Variants in PKMYT1 observed in about 807,000 individuals in gnomAD.
PKMYT1 encodes the protein membrane-associated tyrosine- and threonine-specific cdc2-inhibitory kinase.
Under a neutral mutation model 49.7 loss-of-function variants are expected in PKMYT1, and 35 were observed. The ratio of observed to expected loss-of-function variants is 0.70; its 90% CI spans 0.54 to 0.93. The LOEUF is 0.93. PKMYT1 is among the 40% of genes least tolerant of loss of function. PKMYT1 has a pLI of 0.00. For synonymous variants in PKMYT1, 331 were observed against 287.6 expected (o/e 1.15, Z -1.53); for missense variants, 677 against 673.1 (o/e 1.01, Z -0.06).
chr16:2,973,086 A>T (rs765613328), intron 8 of PKMYT1, 22 bp from the exon 9 acceptor site: 6 of 1,580,222 alleles, frequency 3.8e-6, no homozygotes, highest in Non-Finnish European at 5.2e-6. Context: ...GAGTAGTGAC[A>T]CTCAGGATCC....
intron 2 of PKMYT1, chr16:2,977,526 T>C (rs2072231768): frequency 2.0e-6 from 2 of 986,796 alleles, no homozygotes; most frequent in Admixed American, 5.8e-5. Context: ...AGAATGGCAG[T>C]GTGTGCAGCT....
intron 1 of PKMYT1, 36 bp from the exon 2 acceptor site, chr16:2,979,948 G>C (rs1283858644): frequency 8.0e-6 from 4 of 497,364 alleles, no homozygotes; most frequent in Non-Finnish European, 1.1e-5. Flanking sequence ...TGTCACGAGG[G>C]AAGAGGGGCT....
At chr16:2,974,184 G>A in intron 6 of PKMYT1, 27 bp from the exon 7 acceptor site, 2 of 1,580,518 alleles carry the variant, frequency 1.3e-6, no homozygotes, top group Non-Finnish European at 1.7e-6. Context: ...CTCAGGATGT[G>A]GGTGGGCGGA....
At position 2,973,200 on chromosome 16, in the gene PKMYT1, A is replaced by C. The variant is rs1294247212; in HGVS notation, c.1326T>G (p.Pro442=). The C allele has an allele frequency of 1.3e-6, 2 of 1,511,830 alleles. No homozygotes were observed. 93.7% of individuals were successfully genotyped at this position (1,511,830 alleles called of 1,614,324 possible). A position where few individuals can be genotyped will look rare whatever the true frequency, so the allele number is the denominator to read the frequency against. ...DDDSLGPSLS[P]EAVLARTVGS... Reference sequence around the variant, plus strand: ...CCACAGTCCGGGCCAGGACAGCCTCAGGGGAGAGTGAAGGCCTGCAGGAGG... The same window carrying C: ...CCACAGTCCGGGCCAGGACAGCCTCCGGGGAGAGTGAAGGCCTGCAGGAGG... The change falls in exon 8 of 9, where the codon CCT becomes CCG. Residue 442 remains proline (P), a synonymous_variant. Transcript: ENST00000262300.
rs1383224207 is a variant in PKMYT1, at chr16:2,972,994, T to A, written c.1459A>T (p.Asn487Tyr). ...RGSFPSFEPRNLLSLFEDTLD... is the reference protein window; with the variant it reads ...RGSFPSFEPRYLLSLFEDTLD... ...GTGTCCTCAAACAGGCTGAGGAGGT[T>A]CCGAGGCTCAAAGGAGGGGAAGGAG... Residue 487 changes from asparagine to tyrosine, a missense_variant, in exon 9 of 9, where the codon AAC becomes TAC. Physicochemically the swap from Asn to Tyr is moderately radical, Grantham distance 143. Coordinates refer to ENST00000262300, the MANE Select transcript of PKMYT1 (RefSeq NM_004203.5). 4 of 1,610,370 alleles carry A rather than the reference T, an allele frequency of 2.5e-6. No homozygotes were observed. In the African/African-American group the frequency reaches 5.3e-5, roughly 22 times the overall value.
intron 2 of PKMYT1, 170 bp from the exon 3 acceptor site, chr16:2,977,201 G>T: frequency 1.4e-6 from 2 of 1,434,130 alleles, no homozygotes; most frequent in Non-Finnish European, 1.8e-6. Flanking sequence ...GCAGAGGACA[G>T]ATTCATACTC....
At chr16:2,977,918 C>CTT (rs1391365387) in intron 2 of PKMYT1, among the ~76,000 whole-genome samples, 1 of 150,806 alleles carries the variant, frequency 6.6e-6, no homozygotes, top group Non-Finnish European at 1.5e-5. Flanking sequence ...CCAGGGGCTC[C>CTT]TTTCTTCCAC....
chr16:2,979,645 T>TA lies in PKMYT1; in HGVS notation c.10+2dup. 2 of 1,612,714 alleles carry TA rather than the reference T, an allele frequency of 1.2e-6. No individual in the cohort carries two copies. The highest frequency in any genetic ancestry group is 1.3e-5 in the African/African-American group (1 of 75,024). On this transcript the variant is annotated splice_region_variant and intron_variant, in intron 2 of 8. Transcript: ENST00000262300. ...CTCCCACCGTCCCTGCCCTACGACTTACGTTCTAGCATGACTGGCCTGGCC... is the reference window on the plus strand; with the variant it reads ...CTCCCACCGTCCCTGCCCTACGACTTAACGTTCTAGCATGACTGGCCTGGCC...
In PKMYT1 at chr16:2,973,344, T is replaced by A. The variant is rs2072066033; in HGVS notation, c.1311-129A>T. On this transcript the variant is annotated intron_variant, in intron 7 of 8. Coordinates refer to ENST00000262300, the MANE Select transcript of PKMYT1 (RefSeq NM_004203.5). ...GGCAGGGAGCCACAGTCAGGGACAA[T>A]AAAAACTTGGTGCACTCTGAAAGCA... The A allele has an allele frequency of 2.6e-6, 4 of 1,543,072 alleles. No individual in the cohort carries two copies. The African/African-American group carries it at 5.5e-5, about 21-fold the overall frequency.
At chr16:2,975,834 C>A (rs201727633) in intron 3 of PKMYT1, 22 bp from the exon 4 acceptor site, 3 of 1,570,580 alleles carry the variant, frequency 1.9e-6, no homozygotes, top group Non-Finnish European at 2.6e-6. Flanking sequence ...GTGGTACCCA[C>A]GCACACAGTG....
chr16:2,976,608 T>G (rs1596453063), intron 3 of PKMYT1, 56 bp downstream of exon 3: 1 of 1,401,568 alleles, frequency 7.1e-7, no homozygotes, highest in South Asian at 2.0e-5. Flanking sequence ...CCAAGGGAGG[T>G]GCAGAAACAC....
chr16:2,974,649 G>A lies in PKMYT1; in HGVS notation c.880C>T (p.Leu294Phe). Residue 294 changes from leucine (L) to phenylalanine (F), a missense_variant, in exon 5 of 9, where the codon CTC becomes TTC. Transcript: ENST00000262300. ...GTAADVFSLG[L>F]TILEVACNME... The stretch of plus-strand genomic sequence containing the variant: ...TTGCATGCCACTTCCAGGATGGTGA[G>A]GCCCAGACTGGCAGGGACGGGATGG... 3 of 1,559,108 alleles carry A rather than the reference G, an allele frequency of 1.9e-6. No homozygotes were observed. Among genetic ancestry groups the A allele is most frequent in the Non-Finnish European group, 2.6e-6 (3 of 1,150,758 alleles).
At chr16:2,973,870 G>T (rs4149803) in intron 7 of PKMYT1, 130 bp downstream of exon 7, 3 of 1,047,420 alleles carry the variant, frequency 2.9e-6, no homozygotes, top group Admixed American at 4.6e-5. Context: ...CCCAGTCTTG[G>T]TCCCCTTCCC....
At chr16:2,973,086 A>C (rs765613328) in intron 8 of PKMYT1, 22 bp from the exon 9 acceptor site, 1 of 1,580,222 alleles carries the variant, frequency 6.3e-7, no homozygotes. Context: ...GAGTAGTGAC[A>C]CTCAGGATCC....
At chr16:2,975,970 A>C in intron 3 of PKMYT1, 158 bp from the exon 4 acceptor site, 3 of 753,602 alleles carry the variant, frequency 4.0e-6, no homozygotes, top group Non-Finnish European at 6.3e-6. Flanking sequence ...GTAATAACAA[A>C]ACCAGACAAA....
chr16:2,976,134 G>A (rs1370669984), intron 3 of PKMYT1: 2 of 356,284 alleles, frequency 5.6e-6, no homozygotes, highest in Non-Finnish European at 5.1e-6. Flanking sequence ...TGAAAAGTGG[G>A]CTCCCCTGTG....
Position 2,974,739 on chromosome 16 carries a change from G to C in PKMYT1, c.873-83C>G, listed in dbSNP as rs918089933. 4 of 851,380 alleles carry C rather than the reference G, an allele frequency of 4.7e-6. No individual in the cohort carries two copies. The African/African-American group carries it at 6.7e-5, about 14-fold the overall frequency. The allele number at this position is 851,380 out of a possible 1,614,324, so 52.7% of individuals were successfully genotyped here. ...AGTCCAGGGCTGCCTCTTGGAGGTG[G>C]GTGGGAGAGGGCTGCTGTCTTCATC... is the stretch of plus-strand genomic sequence containing the variant. On this transcript the variant is annotated intron_variant, in intron 4 of 8. Transcript: ENST00000262300.
At chr16:2,980,150 CGCGGGGGCGGGCCTGAGGGGACGCGA>C (rs2072303182) in intron 1 of PKMYT1, 110 bp downstream of exon 1, 2 of 163,818 alleles carry the variant, frequency 1.2e-5, no homozygotes, top group African/African-American at 2.4e-5. Context: ...GGCAGGGGCT[CGCGGGGGCGGGCCTGAGGGGACGCGA>C]GCGGGCCGCC....
chr16:2,974,905 C>T (rs1007520279), intron 4 of PKMYT1: 1 of 572,370 alleles, frequency 1.7e-6, no homozygotes, highest in Non-Finnish European at 3.1e-6. Flanking sequence ...TCCCAGTGCC[C>T]TGATGGACAG....
Sources: gnomAD v4.1 joint callset for allele counts (sites outside exome capture counted in the v4.1 genomes callset) on GRCh38, gnomAD v4.1.1 for gene constraint, MANE v1.5 for transcripts, NCBI Gene and HGNC (gene_info 2026-07-23, HGNC 2026-07-21) for gene names.